EYS: variants seen among roughly 807,000 people sequenced by gnomAD.
The protein encoded by EYS is EGF-like photoreceptor maintenance factor.
A neutral mutation model predicts 282.1 loss-of-function variants in EYS; 250 were observed. That is an observed-to-expected ratio of 0.89 (90% CI 0.80 to 0.98). EYS has a LOEUF of 0.98. Among genes scored for constraint, EYS ranks in the 50% least tolerant of loss-of-function variants. The pLI, the probability that EYS is intolerant of heterozygous loss-of-function variation, is 0.00. For synonymous variants in EYS, 1,355 were observed against 1,282.9 expected (o/e 1.06, Z -1.20); for missense variants, 4,016 against 3,709.0 (o/e 1.08, Z -2.15).
intron 36 of EYS, among the ~76,000 whole-genome samples, chr6:63,831,813 G>T (rs1383809060): frequency 1.3e-5 from 2 of 152,056 alleles, no homozygotes; most frequent in Non-Finnish European, 2.9e-5. Flanking sequence ...CACATATTTG[G>T]AAGTAAAGCA....
At chr6:65,138,939 T>A (rs1391174370) in intron 12 of EYS, among the ~76,000 whole-genome samples, 2 of 152,072 alleles carry the variant, frequency 1.3e-5, no homozygotes, top group African/African-American at 4.8e-5. Flanking sequence ...GATAACAGAC[T>A]CTGCCGAAGT....
rs77237117 is a variant in EYS at position 64,691,509 on chromosome 6, G to A, written c.3444-65264C>T. Among the ~76,000 whole-genome samples, 1,053 of 152,192 alleles carry A rather than the reference G, an allele frequency of 6.9e-3. 4 individuals are homozygous for A. Among genetic ancestry groups the A allele is most frequent in the Non-Finnish European group, 9.2e-3 (626 of 67,992 alleles). ...TGGAAAATAAATTTTAAAAATTTCA[G>A]TTTCAACTTCTCTTTAAGATACAGC... On this transcript the variant is annotated intron_variant, in intron 22 of 42. Transcript: ENST00000503581.
chr6:65,055,986 G>C (rs56795374), intron 13 of EYS, among the ~76,000 whole-genome samples: 3,211 of 152,024 alleles, frequency 0.021, 104 homozygotes, highest in African/African-American at 0.073. Flanking sequence ...GGGGAGTTTT[G>C]TTCCACTTCA....
chr6:64,862,779 A>G (rs1766290879), intron 19 of EYS, among the ~76,000 whole-genome samples: 1 of 152,154 alleles, frequency 6.6e-6, no homozygotes. Flanking sequence ...ATAAGAAAAT[A>G]TATTATTCAA....
chr6:63,915,626 A>T (rs1281645256), intron 35 of EYS, among the ~76,000 whole-genome samples: 2 of 152,222 alleles, frequency 1.3e-5, no homozygotes, highest in African/African-American at 4.8e-5. Flanking sequence ...ACCTTTCTGG[A>T]AAGAATTCAC....
chr6:65,365,685 G>C (rs1764891127), intron 8 of EYS, among the ~76,000 whole-genome samples: 1 of 151,568 alleles, frequency 6.6e-6, no homozygotes, highest in South Asian at 2.1e-4. Context: ...AGCTGTACTA[G>C]TTACATAGCA....
intron 26 of EYS, among the ~76,000 whole-genome samples, chr6:64,465,343 T>A (rs74953504): frequency 6.6e-6 from 1 of 152,084 alleles, no homozygotes; most frequent in Non-Finnish European, 1.5e-5. Flanking sequence ...GGAGGCAGCA[T>A]ACTACTTGAT....
In EYS at chr6:64,593,457, T is replaced by C. The variant is rs554363958; in HGVS notation, c.3685-148A>G. Reference sequence around the variant, plus strand: ...ATTTTACTTGAAAATTAAATCTCCATAGTAAATTTTACCCATATTTCAAAA... The same window carrying C: ...ATTTTACTTGAAAATTAAATCTCCACAGTAAATTTTACCCATATTTCAAAA... On this transcript the variant is annotated intron_variant, in intron 24 of 42. Transcript: ENST00000503581. 1.0e-4 allele frequency: 61 copies of C among 585,514 alleles called. No individual in the cohort carries two copies. The African/African-American group carries it at 1.2e-3, about 11-fold the overall frequency. 36.3% of individuals were successfully genotyped at this position (585,514 alleles called of 1,614,324 possible).
At chr6:65,420,113 A>T (rs1767398516) in intron 5 of EYS, among the ~76,000 whole-genome samples, 1 of 151,968 alleles carries the variant, frequency 6.6e-6, no homozygotes, top group Non-Finnish European at 1.5e-5. Context: ...AAGCTGTGAT[A>T]ATTTCTTAAA....
chr6:65,482,573 A>G (rs1765646697), intron 5 of EYS, among the ~76,000 whole-genome samples: 2 of 152,300 alleles, frequency 1.3e-5, no homozygotes, highest in East Asian at 3.9e-4. Context: ...GCAAAATTCT[A>G]TTCTTCACAA....
chr6:65,524,641 T>G (rs1767490474), intron 2 of EYS, among the ~76,000 whole-genome samples: 1 of 152,140 alleles, frequency 6.6e-6, no homozygotes, highest in Non-Finnish European at 1.5e-5. Context: ...ACTGGTGAAA[T>G]CTATGAGTGT....
intron 23 of EYS, among the ~76,000 whole-genome samples, chr6:64,622,473 G>T (rs116469543): frequency 6.6e-6 from 1 of 152,150 alleles, no homozygotes; most frequent in South Asian, 2.1e-4. Context: ...TTTGCAGACT[G>T]TCTGGTGGGG....
intron 7 of EYS, among the ~76,000 whole-genome samples, chr6:65,395,613 A>C (rs1766251117): frequency 6.6e-6 from 1 of 152,142 alleles, no homozygotes; most frequent in South Asian, 2.1e-4. Context: ...ATTACCTTGA[A>C]CATTAATTCC....
At chr6:64,352,061 T>C (rs1771661799) in intron 29 of EYS, among the ~76,000 whole-genome samples, 1 of 151,562 alleles carries the variant, frequency 6.6e-6, no homozygotes, top group African/African-American at 2.4e-5. Context: ...CCTATATTAA[T>C]CTTTACTTCA....
chr6:64,304,570 A>G (rs1035128720), intron 30 of EYS, among the ~76,000 whole-genome samples: 1 of 136,112 alleles, frequency 7.3e-6, no homozygotes. Context: ...GACATATGTC[A>G]TATAAATTAT....
chr6:64,635,346 C>T (rs1011983531), intron 22 of EYS, among the ~76,000 whole-genome samples: 17 of 152,132 alleles, frequency 1.1e-4, no homozygotes, highest in African/African-American at 3.9e-4. Context: ...CTGGCCAGAA[C>T]TTCCAACACT....
At chr6:64,333,347 C>T (rs565594304) in intron 29 of EYS, among the ~76,000 whole-genome samples, 14 of 152,242 alleles carry the variant, frequency 9.2e-5, no homozygotes, top group African/African-American at 2.9e-4. Context: ...CCAAGCTGCA[C>T]ATCCCAGTAA....
chr6:64,832,219 A>T (rs888783174), intron 19 of EYS, among the ~76,000 whole-genome samples: 4 of 151,974 alleles, frequency 2.6e-5, no homozygotes, highest in African/African-American at 4.8e-5. Context: ...GCTATAATTT[A>T]TCAACTAACA....
chr6:65,040,751 G>A (rs544035036), intron 13 of EYS, among the ~76,000 whole-genome samples: 1 of 151,674 alleles, frequency 6.6e-6, no homozygotes, highest in East Asian at 1.9e-4. Context: ...TTACCCCCAG[G>A]TTGCCATGTT....
Sources: gnomAD v4.1 joint callset for allele counts (sites outside exome capture counted in the v4.1 genomes callset) on GRCh38, gnomAD v4.1.1 for gene constraint, MANE v1.5 for transcripts, NCBI Gene and HGNC (gene_info 2026-07-23, HGNC 2026-07-21) for gene names.